The following CSMD1 variants were observed in gnomAD, a reference collection of about 807,000 sequenced individuals.
CSMD1 encodes the protein CUB and Sushi multiple domains 1, also known as CUB and sushi domain-containing protein 1.
Under a neutral mutation model 417.5 loss-of-function variants are expected in CSMD1, and 213 were observed. The ratio of observed to expected loss-of-function variants is 0.51; its 90% CI spans 0.46 to 0.57. The LOEUF is 0.57. Among genes scored for constraint, CSMD1 ranks in the 20% least tolerant of loss-of-function variants. The probability of loss-of-function intolerance (pLI) is 0.00; values close to 1 mark genes in which losing one functional copy is unlikely to be tolerated. For missense variants in CSMD1, 6,923 were observed against 4,529.7 expected, an observed-to-expected ratio of 1.53 and a Z score of -15.17; for synonymous variants, 2,862 against 1,736.8, an observed-to-expected ratio of 1.65 and a Z score of -16.11.
At chr8:4,758,641 G>T (rs12541854) in intron 1 of CSMD1, among the ~76,000 whole-genome samples, 22 of 152,062 alleles carry the variant, frequency 1.4e-4, no homozygotes, top group African/African-American at 5.3e-4. Flanking sequence ...GGCTGGGGAG[G>T]CCTCAGGAAA....
At chr8:4,263,667 T>C (rs958035434) in intron 3 of CSMD1, among the ~76,000 whole-genome samples, 5 of 152,170 alleles carry the variant, frequency 3.3e-5, no homozygotes, top group African/African-American at 1.2e-4. Flanking sequence ...ACCAATATAA[T>C]TTTGAATTAT....
chr8:4,269,681 G>T (rs1282053774), intron 3 of CSMD1, among the ~76,000 whole-genome samples: 3 of 151,796 alleles, frequency 2.0e-5, no homozygotes, highest in African/African-American at 7.3e-5. Context: ...AAAATTTTTT[G>T]TTTCTTTGCA....
intron 2 of CSMD1, among the ~76,000 whole-genome samples, chr8:4,461,745 T>A (rs1317124276): frequency 7.6e-6 from 1 of 132,050 alleles, no homozygotes; most frequent in Admixed American, 8.1e-5. Context: ...TTACTTATTT[T>A]TTTTTTTTTT....
At chr8:3,320,098 C>T (rs547607300) in intron 23 of CSMD1, among the ~76,000 whole-genome samples, 1 of 152,184 alleles carries the variant, frequency 6.6e-6, no homozygotes, top group East Asian at 1.9e-4. Context: ...ACACAGAAGA[C>T]ATGCTCTGTG....
chr8:3,051,313 G>A (rs962156653), intron 50 of CSMD1, among the ~76,000 whole-genome samples: 4 of 152,168 alleles, frequency 2.6e-5, no homozygotes, highest in Non-Finnish European at 5.9e-5. Context: ...TGGAGCTGGA[G>A]GTCATTATTC....
At chr8:3,163,572 C>T (rs1820026944) in intron 37 of CSMD1, among the ~76,000 whole-genome samples, 1 of 151,756 alleles carries the variant, frequency 6.6e-6, no homozygotes, top group African/African-American at 2.4e-5. Flanking sequence ...GCTTCATCTG[C>T]TTCATGCCTG....
intron 7 of CSMD1, among the ~76,000 whole-genome samples, chr8:3,619,857 T>G (rs1015798303): frequency 6.6e-6 from 1 of 152,170 alleles, no homozygotes; most frequent in Non-Finnish European, 1.5e-5. Flanking sequence ...ATTCCAACAC[T>G]TTGGGAGGCT....
intron 3 of CSMD1, among the ~76,000 whole-genome samples, chr8:4,332,523 C>G (rs1799924317): frequency 6.7e-6 from 1 of 149,582 alleles, no homozygotes; most frequent in South Asian, 2.1e-4. Flanking sequence ...TTTTTTTCCC[C>G]AGTAATACCC....
At chr8:3,877,290 A>C (rs2975350) in intron 5 of CSMD1, among the ~76,000 whole-genome samples, 5,121 of 152,182 alleles carry the variant, frequency 0.034, 294 homozygotes, top group African/African-American at 0.12. Flanking sequence ...TGGTGAAAGG[A>C]AACTTCTGCA....
At chr8:4,908,737 G>T (rs533003471) in intron 1 of CSMD1, among the ~76,000 whole-genome samples, 2 of 18,326 alleles carry the variant, frequency 1.1e-4, no homozygotes, top group Admixed American at 5.2e-4. Context: ...TTATTTTCTA[G>T]TAATTCATTT....
At chr8:4,178,701 TCTC>T (rs1346862158) in intron 3 of CSMD1, among the ~76,000 whole-genome samples, 1 of 152,102 alleles carries the variant, frequency 6.6e-6, no homozygotes, top group Non-Finnish European at 1.5e-5. Context: ...CAGCCCAAAA[TCTC>T]CTTAAGCTGA....
intron 23 of CSMD1, among the ~76,000 whole-genome samples, chr8:3,331,066 A>G (rs181204975): frequency 0.014 from 2,137 of 152,010 alleles, 47 homozygotes; most frequent in African/African-American, 0.045. Flanking sequence ...GTGAAACCCC[A>G]TCTCTACTAA....
intron 42 of CSMD1, among the ~76,000 whole-genome samples, chr8:3,116,747 A>G (rs537315143): frequency 4.8e-4 from 73 of 152,296 alleles, no homozygotes; most frequent in Non-Finnish European, 7.2e-4. Flanking sequence ...TAAATATTTA[A>G]TTGTAGTTTT....
rs367648402 is a variant in CSMD1 at position 4,834,443 on chromosome 8, G to A, written c.85+159889C>T. 4.6e-5 allele frequency among the ~76,000 whole-genome samples: 7 copies of A among 152,244 alleles called. No homozygotes were observed. In the East Asian group the frequency reaches 9.7e-4, roughly 21 times the overall value. ...GAAAAAAAAGCAAAGAGGATTGAGT[G>A]GGCACATGCCCATGTATTCACGCAA... On this transcript the variant is annotated intron_variant, in intron 1 of 69. Coordinates refer to ENST00000635120, the MANE Select transcript of CSMD1 (RefSeq NM_033225.6).
chr8:4,011,385 A>T (rs992338969), intron 4 of CSMD1, among the ~76,000 whole-genome samples: 6 of 152,204 alleles, frequency 3.9e-5, no homozygotes, highest in Non-Finnish European at 8.8e-5. Flanking sequence ...GTCTGCTTCC[A>T]GACTCCACAT....
intron 7 of CSMD1, among the ~76,000 whole-genome samples, chr8:3,670,674 G>C (rs1005675572): frequency 2.8e-5 from 4 of 144,326 alleles, no homozygotes; most frequent in Non-Finnish European, 4.5e-5. Context: ...TATGTACATG[G>C]TTATATATGT....
chr8:4,398,870 A>G (rs924948264), intron 3 of CSMD1, among the ~76,000 whole-genome samples: 5 of 152,234 alleles, frequency 3.3e-5, no homozygotes, highest in African/African-American at 9.6e-5. Flanking sequence ...AAACCATAAA[A>G]TAACTGACAT....
In CSMD1 at chr8:4,204,182, T is replaced by G. The variant is rs78866023; in HGVS notation, c.416-172083A>C. On this transcript the variant is annotated intron_variant, in intron 3 of 69. Transcript: ENST00000635120. Reference sequence around the variant, plus strand: ...TTCATTGACTGTGCCCATGTGGTGCTGTGTGCCTGAGATGGAATTTCAAAG... The same window carrying G: ...TTCATTGACTGTGCCCATGTGGTGCGGTGTGCCTGAGATGGAATTTCAAAG... 8.6e-3 allele frequency among the ~76,000 whole-genome samples: 1,314 copies of G among 152,266 alleles called. 11 individuals carry two copies. The highest frequency in any genetic ancestry group is 0.014 in the Non-Finnish European group (976 of 68,012).
At chr8:4,318,275 T>A (rs1799054939) in intron 3 of CSMD1, among the ~76,000 whole-genome samples, 1 of 152,146 alleles carries the variant, frequency 6.6e-6, no homozygotes, top group Non-Finnish European at 1.5e-5. Flanking sequence ...TTTCCTTAAT[T>A]AAAGTTTTTA....
Sources: allele counts gnomAD v4.1 joint callset (sites outside exome capture counted in the v4.1 genomes callset), GRCh38; gene constraint gnomAD v4.1.1; transcripts MANE v1.5; gene names NCBI Gene and HGNC (gene_info 2026-07-23, HGNC 2026-07-21).